DCAF16: variants seen among roughly 807,000 people sequenced by gnomAD.
DCAF16 encodes the protein DDB1- and CUL4-associated factor 16.
In DCAF16, 10 loss-of-function variants were observed where a neutral mutation model predicts 17.3. The observed-to-expected ratio is 0.58, with a 90% CI of 0.36 to 0.98. The LOEUF (loss-of-function observed/expected upper bound fraction) is 0.98. Ranked by LOEUF, DCAF16 falls within the 50% of genes least tolerant of loss-of-function variation. The pLI, the probability that DCAF16 is intolerant of heterozygous loss-of-function variation, is 0.01. For synonymous variants in DCAF16, 111 were observed against 92.8 expected, an observed-to-expected ratio of 1.20 and a Z score of -1.12; for missense variants, 249 against 247.6, an observed-to-expected ratio of 1.01 and a Z score of -0.04.
downstream of DCAF16, among the ~76,000 whole-genome samples, chr4:17,798,534 T>C (rs1719536167): frequency 6.6e-6 from 1 of 151,946 alleles, no homozygotes; most frequent in South Asian, 2.1e-4. Context: ...AGGTCGAGGC[T>C]GCGGTGAGCC....
chr4:17,794,171 A>T, the DCAF16 span, among the ~76,000 whole-genome samples: 1 of 152,206 alleles, frequency 6.6e-6, no homozygotes, highest in African/African-American at 2.4e-5. Context: ...ATACAGGTTG[A>T]GTATCCCTTA....
chr4:17,796,710 C>T (rs149664317), downstream of DCAF16, among the ~76,000 whole-genome samples: 248 of 152,206 alleles, frequency 1.6e-3, 3 homozygotes, highest in East Asian at 0.019. Context: ...CATCTCACAA[C>T]GACAACAAAC....
At chr4:17,799,178 C>T (rs376158198), downstream of DCAF16, among the ~76,000 whole-genome samples, 12 of 152,178 alleles carry the variant, frequency 7.9e-5, no homozygotes, top group East Asian at 1.9e-3. Context: ...GCTGAGTATC[C>T]GTTGTGGGGG....
chr4:17,805,567 A>C (rs1720249500), intron 1 of DCAF16, among the ~76,000 whole-genome samples: 1 of 152,252 alleles, frequency 6.6e-6, no homozygotes, highest in South Asian at 2.1e-4. Context: ...ATTTTTACCA[A>C]ACTAGAAAGA....
At chr4:17,798,297 C>G (rs1478894953), downstream of DCAF16, among the ~76,000 whole-genome samples, 1 of 148,806 alleles carries the variant, frequency 6.7e-6, no homozygotes, top group Non-Finnish European at 1.5e-5. Context: ...CTTCCTGTTA[C>G]ACTGTTATTT....
downstream of DCAF16, among the ~76,000 whole-genome samples, chr4:17,800,452 A>C (rs981080965): frequency 3.3e-5 from 5 of 151,988 alleles, no homozygotes; most frequent in African/African-American, 1.2e-4. Flanking sequence ...AAATAAGCTC[A>C]CTTTGAATCT....
Position 17,802,098 on chromosome 4 carries a change from T to C in DCAF16, c.*1393A>G, listed in dbSNP as rs2109016212. The C allele has an allele frequency of 1.2e-5, 1 of 84,620 alleles. No individual in the cohort carries two copies. Among genetic ancestry groups the C allele is most frequent in the African/African-American group, 4.0e-5 (1 of 24,730 alleles). The allele number at this position is 84,620 out of a possible 1,614,324, so 5.2% of individuals were successfully genotyped here. A position where few individuals can be genotyped will look rare whatever the true frequency, so the allele number is the denominator to read the frequency against. ...GCCTGGGCGACAGAGCAAGACTCCG[T>C]CTCAAAAAAAAAAAAAAAAAAAAAA... On this transcript the variant is annotated 3_prime_UTR_variant, in exon 3 of 3. Coordinates refer to ENST00000382247, the MANE Select transcript of DCAF16 (RefSeq NM_017741.4).
At chr4:17,799,004 C>T (rs913733627), downstream of DCAF16, among the ~76,000 whole-genome samples, 3 of 152,186 alleles carry the variant, frequency 2.0e-5, no homozygotes, top group Non-Finnish European at 4.4e-5. Flanking sequence ...GCACAGTTAA[C>T]TCATGAAGTC....
rs147019528 is a variant in DCAF16 at position 17,804,311 on chromosome 4, G to A, written c.-170C>T. ...TGCTTGTGGCCCATACCACTGTGCC[G>A]TTCTTCAAGATTATGTTGTATATTC... On this transcript the variant is annotated 5_prime_UTR_variant, in exon 3 of 3. In the 5' UTR this introduces an upstream ATG that the reference lacks. Coordinates refer to ENST00000382247, the MANE Select transcript of DCAF16 (RefSeq NM_017741.4). The A allele has an allele frequency of 4.8e-5, 30 of 630,134 alleles. No homozygotes were observed. Among genetic ancestry groups the A allele is most frequent in the East Asian group, 3.0e-4 (11 of 36,202 alleles). The allele number at this position is 630,134 out of a possible 1,614,324, so 39.0% of individuals were successfully genotyped here. A position where few individuals can be genotyped will look rare whatever the true frequency, so the allele number is the denominator to read the frequency against.
At position 17,803,412 on chromosome 4, in the gene DCAF16, T is replaced by C. The variant is rs557179797; in HGVS notation, c.*79A>G. On this transcript the variant is annotated 3_prime_UTR_variant, in exon 3 of 3. Coordinates refer to ENST00000382247, the MANE Select transcript of DCAF16 (RefSeq NM_017741.4). ...TAAGAGAGTTTGACTGAGAAGGCAT[T>C]AGTGGGCTGTGTAATGACTAACTTT... The C allele has an allele frequency of 1.5e-6, 2 of 1,332,156 alleles. No individual in the cohort carries two copies. The highest frequency in any genetic ancestry group is 1.3e-5 in the South Asian group (1 of 75,730). 82.5% of individuals were successfully genotyped at this position (1,332,156 alleles called of 1,614,324 possible). A position where few individuals can be genotyped will look rare whatever the true frequency, so the allele number is the denominator to read the frequency against.
rs559348630 is a variant in DCAF16 at position 17,803,744 on chromosome 4, C to T, written c.398G>A (p.Arg133Gln). 32 of 1,614,068 alleles carry T rather than the reference C, an allele frequency of 2.0e-5. No individual in the cohort carries two copies. Among genetic ancestry groups the T allele is most frequent in the Middle Eastern group, 1.6e-4 (1 of 6,062 alleles). ...TAGAGTGGCATGATCTCTAGAGAGC[C>T]GGCTGGGACTTGTAAGAGGCTTTTG... The part of the protein sequence containing the change: ...PFQKPLTSPS[R>Q]LSRDHATLNG... Residue 133 changes from arginine (R) to glutamine (Q), a missense_variant, in exon 3 of 3, where the codon CGG becomes CAG. Arg to Gln is a conservative substitution (Grantham distance 43). Transcript: ENST00000382247.
chr4:17,798,310 C>CT (rs61478198), downstream of DCAF16, among the ~76,000 whole-genome samples: 1,451 of 131,238 alleles, frequency 0.011, 17 homozygotes, highest in East Asian at 0.074. Context: ...TGTTATTTTC[C>CT]TTTTTTTTTT....
rs531264461 is a variant in DCAF16 at position 17,810,680 on chromosome 4, A to T, written c.-983T>A. The T allele has an allele frequency of 6.0e-6, 1 of 167,500 alleles. No homozygotes were observed. The highest frequency in any genetic ancestry group is 1.3e-5 in the Non-Finnish European group (1 of 78,454). 10.4% of individuals were successfully genotyped at this position (167,500 alleles called of 1,614,324 possible). A position where few individuals can be genotyped will look rare whatever the true frequency, so the allele number is the denominator to read the frequency against. On this transcript the variant is annotated 5_prime_UTR_variant, in exon 1 of 3. Coordinates refer to ENST00000382247, the MANE Select transcript of DCAF16 (RefSeq NM_017741.4). ...AGCCTCACGCTCAGCCGCACGACCC[A>T]GCCAGGCCTAACGCCAGCAGCCCTT...
Position 17,810,433 on chromosome 4 carries a change from C to T in DCAF16, c.-750+14G>A, listed in dbSNP as rs1720800465. 6.6e-6 allele frequency: 1 copy of T among 152,358 alleles called. No individual in the cohort carries two copies. 9.4% of individuals were successfully genotyped at this position (152,358 alleles called of 1,614,324 possible). On this transcript the variant is annotated intron_variant, in intron 1 of 2. Coordinates refer to ENST00000382247, the MANE Select transcript of DCAF16 (RefSeq NM_017741.4). ...GACTAAGGCCTTCAAAAGACAGCAT[C>T]CGTCTCCACTAACCTCGGGTCGCCC...
At chr4:17,806,238 G>A (rs1720312181) in intron 1 of DCAF16, among the ~76,000 whole-genome samples, 1 of 152,080 alleles carries the variant, frequency 6.6e-6, no homozygotes, top group Non-Finnish European at 1.5e-5. Context: ...AACACTATTT[G>A]CCATGTACTA....
At chr4:17,799,334 G>C (rs945227014), downstream of DCAF16, among the ~76,000 whole-genome samples, 1 of 152,146 alleles carries the variant, frequency 6.6e-6, no homozygotes, top group African/African-American at 2.4e-5. Flanking sequence ...TATTTAATAT[G>C]ACCCTAGACA....
At chr4:17,806,421 C>G (rs1410107276) in intron 1 of DCAF16, among the ~76,000 whole-genome samples, 2 of 151,872 alleles carry the variant, frequency 1.3e-5, no homozygotes, top group African/African-American at 4.8e-5. Context: ...TTTATACCAG[C>G]AATACTAACT....
At chr4:17,810,091 C>T (rs1212656769) in intron 1 of DCAF16, among the ~76,000 whole-genome samples, 1 of 152,100 alleles carries the variant, frequency 6.6e-6, no homozygotes, top group East Asian at 1.9e-4. Flanking sequence ...TGTAGGGTGG[C>T]ATATTTTGGT....
chr4:17,807,366 C>T (rs1720421080), intron 1 of DCAF16, among the ~76,000 whole-genome samples: 1 of 152,120 alleles, frequency 6.6e-6, no homozygotes, highest in Admixed American at 6.6e-5. Flanking sequence ...AAGAGAAAAT[C>T]CCAAGGCATG....
Sources: gnomAD v4.1 joint callset for allele counts (sites outside exome capture counted in the v4.1 genomes callset) on GRCh38, gnomAD v4.1.1 for gene constraint, MANE v1.5 for transcripts, NCBI Gene and HGNC (gene_info 2026-07-23, HGNC 2026-07-21) for gene names.